The following ZBTB24 variants were observed in gnomAD, a reference collection of about 807,000 sequenced individuals.
The protein encoded by ZBTB24 is zinc finger and BTB domain containing 24, also known as zinc finger and BTB domain-containing protein 24.
ZBTB24 carries 32 observed loss-of-function variants against 53.8 expected under a neutral mutation model. The ratio of observed to expected loss-of-function variants is 0.60; its 90% CI spans 0.45 to 0.80. The LOEUF (loss-of-function observed/expected upper bound fraction) is 0.80. Among genes scored for constraint, ZBTB24 ranks in the 30% least tolerant of loss-of-function variants. The probability of loss-of-function intolerance (pLI) is 0.00; values close to 1 mark genes in which losing one functional copy is unlikely to be tolerated. For missense variants in ZBTB24, 722 were observed against 837.1 expected (o/e 0.86, Z 1.70); for synonymous variants, 297 against 306.7 (o/e 0.97, Z 0.33).
Position 109,473,960 on chromosome 6 carries a change from G to A in ZBTB24, c.1288+1439C>T, listed in dbSNP as rs187282062. Reference sequence around the variant, plus strand: ...AAAAATTAGCCAGGCGTGGTGGTGCGCACCTGTAGTTCCAGCTACTCGGGA... The same window carrying A: ...AAAAATTAGCCAGGCGTGGTGGTGCACACCTGTAGTTCCAGCTACTCGGGA... On this transcript the variant is annotated intron_variant, in intron 5 of 6. Transcript: ENST00000230122. Among the ~76,000 whole-genome samples, 739 of 151,532 alleles carry A rather than the reference G, an allele frequency of 4.9e-3. 1 individual carries two copies. Among genetic ancestry groups the A allele is most frequent in the Non-Finnish European group, 6.8e-3 (460 of 67,896 alleles).
intron 5 of ZBTB24, among the ~76,000 whole-genome samples, chr6:109,472,638 A>G (rs1776190304): frequency 6.6e-6 from 1 of 152,166 alleles, no homozygotes; most frequent in South Asian, 2.1e-4. Flanking sequence ...TTGCAGGCAC[A>G]TGTGCACCTG....
At chr6:109,472,334 C>G (rs1170464986) in intron 5 of ZBTB24, among the ~76,000 whole-genome samples, 1 of 152,192 alleles carries the variant, frequency 6.6e-6, no homozygotes, top group East Asian at 1.9e-4. Flanking sequence ...AGAGGCCCGT[C>G]TGTCTCCTTT....
chr6:109,469,855 G>T (rs1582672004), intron 5 of ZBTB24, among the ~76,000 whole-genome samples: 1 of 152,182 alleles, frequency 6.6e-6, no homozygotes, highest in African/African-American at 2.4e-5. Flanking sequence ...AGTATGAGCA[G>T]AAGCTGGTGT....
In ZBTB24 at chr6:109,482,065, A is replaced by G; in HGVS notation, c.-28-11T>C. 6.3e-7 allele frequency: 1 copy of G among 1,590,312 alleles called. No homozygotes were observed. The highest frequency in any genetic ancestry group is 8.6e-7 in the Non-Finnish European group (1 of 1,159,132). On this transcript the variant is annotated splice_polypyrimidine_tract_variant and intron_variant, in intron 1 of 6. Coordinates refer to ENST00000230122, the MANE Select transcript of ZBTB24 (RefSeq NM_014797.3). ...CACTAAGGGTTAAATCTGAAATAAG[A>G]AAACAAGGTTTAAAAAGGAGAAAGC...
chr6:109,476,077 T>C (rs181948668), intron 4 of ZBTB24, 98 bp downstream of exon 4: 3 of 1,362,612 alleles, frequency 2.2e-6, no homozygotes, highest in Admixed American at 1.9e-5. Flanking sequence ...ATGTGAACGA[T>C]ATGTGCTAAG....
In ZBTB24 at chr6:109,481,370, C is replaced by G. The variant is rs138421963; in HGVS notation, c.657G>C (p.Ser219=). ...CTCTACTTGGCTCACAAGTAGGCTCCGATTCTTCCTTTTCTTTTGCTGCAA... is the reference window on the plus strand; with the variant it reads ...CTCTACTTGGCTCACAAGTAGGCTCGGATTCTTCCTTTTCTTTTGCTGCAA... ...EQIAAKEKEE[S]EPTCEPSREE... The change falls in exon 2 of 7, where the codon TCG becomes TCC. Residue 219 remains serine, a synonymous_variant. Transcript: ENST00000230122. 6.2e-7 allele frequency: 1 copy of G among 1,614,132 alleles called. No homozygotes were observed. Among genetic ancestry groups the G allele is most frequent in the Non-Finnish European group, 8.5e-7 (1 of 1,180,030 alleles).
chr6:109,466,676 A>T (rs1270239948), intron 6 of ZBTB24, 102 bp from the exon 7 acceptor site: 1 of 1,457,534 alleles, frequency 6.9e-7, no homozygotes, highest in Non-Finnish European at 9.3e-7. Context: ...AATTAACTAG[A>T]CTGCAAGTCA....
Position 109,463,761 on chromosome 6 carries a change from CTAATA to C in ZBTB24, c.*2085_*2089del, listed in dbSNP as rs1223136393. 4 of 152,166 alleles carry C rather than the reference CTAATA, an allele frequency of 2.6e-5. No individual in the cohort carries two copies. Among genetic ancestry groups the C allele is most frequent in the South Asian group, 2.1e-4 (1 of 4,806 alleles). The allele number at this position is 152,166 out of a possible 1,614,324, so 9.4% of individuals were successfully genotyped here. A position where few individuals can be genotyped will look rare whatever the true frequency, so the allele number is the denominator to read the frequency against. ...GAAAAAGAGAATGTAAAATGTCTCA[CTAATA>C]TATTTTTATATGTTGAAATATTTGG... On this transcript the variant is annotated 3_prime_UTR_variant, in exon 7 of 7. Transcript: ENST00000230122.
rs756375761 is a variant in ZBTB24, at chr6:109,476,178, T to C, written c.1201A>G (p.Thr401Ala). 3.1e-6 allele frequency: 5 copies of C among 1,614,068 alleles called. No homozygotes were observed. The highest frequency in any genetic ancestry group is 1.7e-6 in the Non-Finnish European group (2 of 1,179,944). ...AAATGTTCTCACTTTATCGTACCTG[T>C]ATGAACTCGGTAATGGCTCTTTAGC... The part of the protein sequence containing the change: ...RQLKSHYRVH[T>A]GHSLPECKDC... Residue 401 changes from threonine to alanine, a missense_variant, in exon 4 of 7, where the codon ACA (threonine) becomes GCA (alanine). Physicochemically the swap from Thr to Ala is moderately conservative, Grantham distance 58. Transcript: ENST00000230122.
chr6:109,466,103 T>G lies in ZBTB24; in HGVS notation c.1842A>C (p.Thr614=). ...TCATATTGAGGCTCTGAATGTGTTC[T>G]GTTTGCTCCTGTTGAGCTGAAAGAA... ...NLILSAQQEQ[T]EHIQSLNMIE... is the part of the protein sequence containing the mutation. Residue 614 remains threonine, a synonymous_variant, in exon 7 of 7, where the codon ACA becomes ACC. Transcript: ENST00000230122. 1 of 1,614,258 alleles carries G rather than the reference T, an allele frequency of 6.2e-7. No homozygotes were observed. The highest frequency in any genetic ancestry group is 1.1e-5 in the South Asian group (1 of 91,080).
intron 4 of ZBTB24, 21 bp from the exon 5 acceptor site, chr6:109,475,503 A>G: frequency 6.2e-7 from 1 of 1,613,932 alleles, no homozygotes; most frequent in Non-Finnish European, 8.5e-7. Context: ...CAATAAAAAA[A>G]GTGTCAGTGC....
chr6:109,481,536 C>T lies in ZBTB24; in HGVS notation c.491G>A (p.Arg164Lys), dbSNP rs1394668867. The part of the protein sequence containing the change: ...KNDPPKRKRG[R>K]PKKVNTLQEE... ...CTGCAATGTATTGACTTTTTTTGGT[C>T]TTCCCCGTTTCCGCTTTGGAGGATC... Residue 164 changes from arginine (R) to lysine (K), a missense_variant, in exon 2 of 7, where the codon AGA becomes AAA. Coordinates refer to ENST00000230122, the MANE Select transcript of ZBTB24 (RefSeq NM_014797.3). 1.2e-6 allele frequency: 2 copies of T among 1,614,030 alleles called. No homozygotes were observed. Among genetic ancestry groups the T allele is most frequent in the South Asian group, 1.1e-5 (1 of 91,092 alleles).
At chr6:109,477,788 G>A (rs1189599819) in intron 2 of ZBTB24, among the ~76,000 whole-genome samples, 24 of 152,194 alleles carry the variant, frequency 1.6e-4, no homozygotes, top group Admixed American at 1.6e-3. Context: ...CCTAGACACA[G>A]GCCAGCAGCC....
chr6:109,472,057 C>T (rs1277489568), intron 5 of ZBTB24, among the ~76,000 whole-genome samples: 1 of 152,114 alleles, frequency 6.6e-6, no homozygotes. Context: ...GAGTTTGTGC[C>T]TAAAGATCTA....
At chr6:109,471,700 T>A (rs1776169003) in intron 5 of ZBTB24, among the ~76,000 whole-genome samples, 2 of 152,162 alleles carry the variant, frequency 1.3e-5, no homozygotes, top group Admixed American at 1.3e-4. Context: ...AATCTTCTGA[T>A]CACTAACTTG....
intron 5 of ZBTB24, among the ~76,000 whole-genome samples, chr6:109,473,218 G>A (rs1776203852): frequency 6.6e-6 from 1 of 152,138 alleles, no homozygotes; most frequent in Non-Finnish European, 1.5e-5. Context: ...GCTGGGACAA[G>A]GCTTTTTTTT....
intron 3 of ZBTB24, 85 bp from the exon 4 acceptor site, chr6:109,476,343 TC>T: frequency 7.3e-7 from 1 of 1,377,338 alleles, no homozygotes; most frequent in Non-Finnish European, 1.0e-6. Flanking sequence ...CTACAGTGGG[TC>T]CAGGTCCCCA....
chr6:109,474,693 C>T (rs1377443849), intron 5 of ZBTB24, among the ~76,000 whole-genome samples: 1 of 150,846 alleles, frequency 6.6e-6, no homozygotes, highest in Non-Finnish European at 1.5e-5. Context: ...AAGATCGTGC[C>T]ACTGCACTGC....
intron 2 of ZBTB24, among the ~76,000 whole-genome samples, chr6:109,478,432 A>C (rs754964290): frequency 1.3e-5 from 2 of 151,908 alleles, no homozygotes; most frequent in Non-Finnish European, 2.9e-5. Context: ...AGAAATAAAA[A>C]CTCTCTTCCT....
Sources: gnomAD v4.1 joint callset for allele counts (sites outside exome capture counted in the v4.1 genomes callset) on GRCh38, gnomAD v4.1.1 for gene constraint, MANE v1.5 for transcripts, NCBI Gene and HGNC (gene_info 2026-07-23, HGNC 2026-07-21) for gene names.